Variants in CLUAP1 observed in about 807,000 individuals in gnomAD.
The protein encoded by CLUAP1 is clusterin-associated protein 1.
Under a neutral mutation model 55.0 loss-of-function variants are expected in CLUAP1, and 50 were observed. That is an observed-to-expected ratio of 0.91 (90% confidence interval 0.72 to 1.15). The LOEUF (loss-of-function observed/expected upper bound fraction) is 1.15. Ranked by LOEUF, CLUAP1 falls within the 50% of genes most tolerant of loss-of-function variation. The pLI, the probability that CLUAP1 is intolerant of heterozygous loss-of-function variation, is 0.00. For synonymous variants in CLUAP1, 195 were observed against 175.4 expected (o/e 1.11, Z -0.88); for missense variants, 530 against 507.6 (o/e 1.04, Z -0.42).
At chr16:3,501,832 G>GGT (rs2037409223) in intron 1 of CLUAP1, among the ~76,000 whole-genome samples, 1 of 152,102 alleles carries the variant, frequency 6.6e-6, no homozygotes, top group Admixed American at 6.6e-5. Flanking sequence ...GAGGAGGCTG[G>GGT]GTGATAATCA....
Position 3,530,612 on chromosome 16 carries a change from G to C in CLUAP1, c.973G>C (p.Asp325His). The stretch of plus-strand genomic sequence containing the variant: ...AGACATCCAGGAGGACGATGAATCC[G>C]ACAGTGAGTTGGAAGAAAGGCGGCT... ...DIDIQEDDES[D>H]SELEERRLPK... is the part of the protein sequence containing the mutation. Residue 325 changes from aspartate (D) to histidine (H), a missense_variant, in exon 10 of 12, where the codon GAC becomes CAC. Asp to His is a moderately conservative substitution (Grantham distance 81). Transcript: ENST00000576634. The C allele has an allele frequency of 6.2e-7, 1 of 1,613,968 alleles. No individual in the cohort carries two copies. Among genetic ancestry groups the C allele is most frequent in the African/African-American group, 1.3e-5 (1 of 75,018 alleles).
At chr16:3,529,633 T>TTATTATA (rs1168500649) in intron 9 of CLUAP1, among the ~76,000 whole-genome samples, 1 of 12,344 alleles carries the variant, frequency 8.1e-5, no homozygotes, top group African/African-American at 4.4e-4. Flanking sequence ...ATATTATATA[T>TTATTATA]TATTATATAT....
At chr16:3,511,374 G>A (rs975024184) in intron 4 of CLUAP1, among the ~76,000 whole-genome samples, 10 of 152,208 alleles carry the variant, frequency 6.6e-5, no homozygotes, top group Admixed American at 1.3e-4. Flanking sequence ...CCTGTGCACA[G>A]GGCTCAGTGC....
intron 11 of CLUAP1, chr16:3,535,904 C>G (rs993879294): frequency 1.8e-6 from 1 of 565,712 alleles, no homozygotes; most frequent in African/African-American, 1.9e-5. Flanking sequence ...CACCCAGATG[C>G]ACCTGCAGTT....
At chr16:3,526,921 A>AGCACTGGGAT (rs1239907782) in intron 9 of CLUAP1, among the ~76,000 whole-genome samples, 1 of 152,192 alleles carries the variant, frequency 6.6e-6, no homozygotes, top group African/African-American at 2.4e-5. Flanking sequence ...ATGGAAAGCA[A>AGCACTGGGAT]GCACTGGGAT....
rs751147953 is a variant in CLUAP1, at chr16:3,530,602, C to G, written c.963C>G (p.Asp321Glu). The change falls in exon 10 of 12, where the codon GAC becomes GAG. Residue 321 changes from aspartate (D) to glutamate (E), a missense_variant. Asp to Glu is a conservative substitution (Grantham distance 45). Transcript: ENST00000576634. ...NDDSDIDIQE[D>E]DESDSELEER... Reference sequence around the variant, plus strand: ...ACTCGGACATAGACATCCAGGAGGACGATGAATCCGACAGTGAGTTGGAAG... The same window carrying G: ...ACTCGGACATAGACATCCAGGAGGAGGATGAATCCGACAGTGAGTTGGAAG... The G allele has an allele frequency of 6.2e-7, 1 of 1,613,808 alleles. No homozygotes were observed. The highest frequency in any genetic ancestry group is 8.5e-7 in the Non-Finnish European group (1 of 1,179,942).
intron 8 of CLUAP1, among the ~76,000 whole-genome samples, chr16:3,526,179 T>C (rs2037938026): frequency 6.6e-6 from 1 of 152,130 alleles, no homozygotes; most frequent in Admixed American, 6.5e-5. Flanking sequence ...GGGCAGCTGC[T>C]TCACTCTGGG....
rs1007660932 is a variant in CLUAP1, at chr16:3,501,030, A to G, written c.-38A>G. 5.0e-6 allele frequency: 8 copies of G among 1,593,252 alleles called. No individual in the cohort carries two copies. The African/African-American group carries it at 9.4e-5, about 19-fold the overall frequency. On this transcript the variant is annotated 5_prime_UTR_variant, in exon 1 of 12. Transcript: ENST00000576634. ...CTGGGCCTGTGATCGCTGAGGGGCG[A>G]GCAGTTGCGACCCTGGGCTCCTGGG...
intron 9 of CLUAP1, among the ~76,000 whole-genome samples, chr16:3,528,335 C>T (rs1329434553): frequency 1.3e-5 from 2 of 152,184 alleles, no homozygotes; most frequent in East Asian, 1.9e-4. Flanking sequence ...CTCTCTTTCT[C>T]TTTCTTTGCC....
chr16:3,500,761 A>G (rs75199359), upstream of CLUAP1, among the ~76,000 whole-genome samples: 8,231 of 152,284 alleles, frequency 0.054, 435 homozygotes, highest in African/African-American at 0.14. Context: ...GGTACTCAGA[A>G]CCTGTCACCC....
intron 11 of CLUAP1, chr16:3,533,270 C>G (rs907561673): frequency 1.1e-5 from 9 of 798,276 alleles, no homozygotes; most frequent in Non-Finnish European, 1.8e-5. Flanking sequence ...AAAGGCCACT[C>G]AAAAGAGATC....
At chr16:3,501,180 G>C (rs2037391339) in intron 1 of CLUAP1, 91 bp downstream of exon 1, 1 of 1,350,754 alleles carries the variant, frequency 7.4e-7, no homozygotes, top group Non-Finnish European at 1.0e-6. Flanking sequence ...GATCCCTGAG[G>C]CTTGCGCTGC....
At chr16:3,507,996 T>A (rs928405248) in intron 3 of CLUAP1, among the ~76,000 whole-genome samples, 1 of 152,156 alleles carries the variant, frequency 6.6e-6, no homozygotes, top group Non-Finnish European at 1.5e-5. Flanking sequence ...AACCTGTACA[T>A]CTCATTTTGT....
intron 3 of CLUAP1, among the ~76,000 whole-genome samples, chr16:3,506,780 G>A (rs2037515214): frequency 6.6e-6 from 1 of 152,180 alleles, no homozygotes; most frequent in East Asian, 1.9e-4. Flanking sequence ...TGGAATTACA[G>A]ATGTGAGCCA....
intron 6 of CLUAP1, among the ~76,000 whole-genome samples, chr16:3,517,773 C>T (rs573149620): frequency 2.6e-5 from 4 of 152,240 alleles, no homozygotes; most frequent in African/African-American, 9.6e-5. Context: ...GTATTCCTGC[C>T]AACGATGCAT....
chr16:3,527,948 C>T (rs190162257), intron 9 of CLUAP1, among the ~76,000 whole-genome samples: 2 of 152,192 alleles, frequency 1.3e-5, no homozygotes, highest in African/African-American at 4.8e-5. Context: ...ATCAGCACAG[C>T]CTGGCATTCA....
At chr16:3,525,546 C>A (rs1457696726) in intron 8 of CLUAP1, among the ~76,000 whole-genome samples, 1 of 151,740 alleles carries the variant, frequency 6.6e-6, no homozygotes, top group Non-Finnish European at 1.5e-5. Flanking sequence ...TCCCTCCCCC[C>A]CACTCTCTCT....
intron 9 of CLUAP1, among the ~76,000 whole-genome samples, chr16:3,530,064 G>A (rs542432538): frequency 1.3e-5 from 2 of 149,936 alleles, no homozygotes; most frequent in South Asian, 4.2e-4. Flanking sequence ...TCAAGGAGCT[G>A]CATCTTGCCG....
chr16:3,530,321 T>C, intron 9 of CLUAP1: 1 of 401,232 alleles, frequency 2.5e-6, no homozygotes, highest in Non-Finnish European at 4.5e-6. Context: ...TGCTCACTTC[T>C]CAGGTCTGTA....
Sources: gnomAD v4.1 joint callset for allele counts (sites outside exome capture counted in the v4.1 genomes callset) on GRCh38, gnomAD v4.1.1 for gene constraint, MANE v1.5 for transcripts, NCBI Gene and HGNC (gene_info 2026-07-23, HGNC 2026-07-21) for gene names.